Variants in KIF13A observed in about 807,000 individuals in gnomAD.
The protein encoded by KIF13A is kinesin family member 13A.
A neutral mutation model predicts 212.2 loss-of-function variants in KIF13A; 79 were observed. That is an observed-to-expected ratio of 0.37 (90% CI 0.31 to 0.45). The LOEUF is 0.45. KIF13A is among the 20% of genes least tolerant of loss of function. The pLI, the probability that KIF13A is intolerant of heterozygous loss-of-function variation, is 1.00. For synonymous variants in KIF13A, 789 were observed against 808.6 expected (o/e 0.98, Z 0.41); for missense variants, 1,901 against 2,209.0 (o/e 0.86, Z 2.79).
chr6:17,864,625 G>C (rs1769179890), intron 4 of KIF13A, among the ~76,000 whole-genome samples: 1 of 152,160 alleles, frequency 6.6e-6, no homozygotes, highest in Non-Finnish European at 1.5e-5. Flanking sequence ...TGAGTAGCTA[G>C]GACTACAGGT....
intron 4 of KIF13A, among the ~76,000 whole-genome samples, chr6:17,859,701 T>C (rs1406234040): frequency 6.7e-6 from 1 of 149,124 alleles, no homozygotes; most frequent in Admixed American, 6.7e-5. Flanking sequence ...AATGGTGCGA[T>C]CTCGGCTCAC....
At chr6:17,950,717 A>G in intron 2 of KIF13A, 1 of 983,158 alleles carries the variant, frequency 1.0e-6, no homozygotes, top group Non-Finnish European at 1.2e-6. Flanking sequence ...AAAAAACGAA[A>G]TATATGACAA....
chr6:17,828,386 T>C lies in KIF13A; in HGVS notation c.1402-16A>G. The C allele has an allele frequency of 1.3e-6, 2 of 1,599,810 alleles. No homozygotes were observed. The highest frequency in any genetic ancestry group is 1.7e-6 in the Non-Finnish European group (2 of 1,174,712). The stretch of plus-strand genomic sequence containing the variant: ...TGGTGTGATCCTAGTAAAAGATTAT[T>C]AAGGAAAGAAAAACCCACATTTATG... On this transcript the variant is annotated splice_polypyrimidine_tract_variant and intron_variant, in intron 13 of 38. Transcript: ENST00000259711. The surrounding 1 kb of genome is among the most constrained non-coding windows in gnomAD (Gnocchi z 4.3).
Position 17,794,374 on chromosome 6 carries a change from C to T in KIF13A, c.3097G>A (p.Val1033Ile), listed in dbSNP as rs1761854259. ...GAATGCTGCACAGGTTTCACCGTGACTTGTACTCTACGGGAATGACCCTGA... is the reference window on the plus strand; with the variant it reads ...GAATGCTGCACAGGTTTCACCGTGATTTGTACTCTACGGGAATGACCCTGA... ...LRQGHSRRVQVTVKPVQHSGT... is the reference protein window; with the variant it reads ...LRQGHSRRVQITVKPVQHSGT... The change falls in exon 25 of 39, where the codon GTC becomes ATC. Residue 1033 changes from valine (V) to isoleucine (I), a missense_variant. Physicochemically the swap from Val to Ile is conservative, Grantham distance 29. This residue lies in a region of KIF13A where 168 missense variants were observed against 250.9 expected (regional missense o/e 0.67). Coordinates refer to ENST00000259711, the MANE Select transcript of KIF13A (RefSeq NM_022113.6). The surrounding 1 kb of genome is among the most constrained non-coding windows in gnomAD (Gnocchi z 4.1). 6.2e-7 allele frequency: 1 copy of T among 1,613,450 alleles called. No individual in the cohort carries two copies. Among genetic ancestry groups the T allele is most frequent in the African/African-American group, 1.3e-5 (1 of 74,858 alleles).
At chr6:17,964,221 A>T (rs989844131) in intron 2 of KIF13A, among the ~76,000 whole-genome samples, 1 of 152,110 alleles carries the variant, frequency 6.6e-6, no homozygotes. Flanking sequence ...AGCTCCATCA[A>T]CTCTCTTCCT....
intron 2 of KIF13A, among the ~76,000 whole-genome samples, chr6:17,930,739 A>G (rs1406536051): frequency 1.3e-5 from 2 of 152,166 alleles, no homozygotes; most frequent in Admixed American, 6.5e-5. Context: ...TCTCACTACC[A>G]CTACCCTGGA....
rs188253357 is a variant in KIF13A, at chr6:17,825,497, C to A, written c.1786+271G>T. On this transcript the variant is annotated intron_variant, in intron 16 of 38. Coordinates refer to ENST00000259711, the MANE Select transcript of KIF13A (RefSeq NM_022113.6). The surrounding 1 kb of genome is among the most constrained non-coding windows in gnomAD (Gnocchi z 4.5). ...GGAATTTTGTCAAAATCATTCAGTA[C>A]TCTAGGCCCGTGGAAATGTCACCAC... Among the ~76,000 whole-genome samples, 1 of 152,246 alleles carries A rather than the reference C, an allele frequency of 6.6e-6. No individual in the cohort carries two copies. Among genetic ancestry groups the A allele is most frequent in the African/African-American group, 2.4e-5 (1 of 41,536 alleles).
At chr6:17,974,817 T>C (rs372263444) in intron 2 of KIF13A, among the ~76,000 whole-genome samples, 4 of 152,248 alleles carry the variant, frequency 2.6e-5, no homozygotes, top group South Asian at 4.1e-4. Flanking sequence ...CTTAATGCAC[T>C]GGCCACATAT....
rs1768181027 is a variant in KIF13A, at chr6:17,856,755, A to G, written c.221-633T>C. Among the ~76,000 whole-genome samples the G allele has an allele frequency of 6.6e-6, 1 of 152,204 alleles. No individual in the cohort carries two copies. Among genetic ancestry groups the G allele is most frequent in the African/African-American group, 2.4e-5 (1 of 41,444 alleles). On this transcript the variant is annotated intron_variant, in intron 4 of 38. Coordinates refer to ENST00000259711, the MANE Select transcript of KIF13A (RefSeq NM_022113.6). The surrounding 1 kb of genome is among the most constrained non-coding windows in gnomAD (Gnocchi z 4.5). ...CTATGGCAGAGCGGGGCTGAAGAGT[A>G]AAGGAGTGACAATCTGTTTTAAACA...
intron 2 of KIF13A, among the ~76,000 whole-genome samples, chr6:17,937,394 A>AT (rs1217076099): frequency 1.3e-5 from 2 of 152,196 alleles, no homozygotes; most frequent in African/African-American, 4.8e-5. Context: ...GTGATCTCCA[A>AT]TTGTTTTAGT....
chr6:17,796,779 A>G lies in KIF13A; in HGVS notation c.2832T>C (p.Ile944=). ...VNVTEEFLEF[I]SDGALAIEVW... ...CTTCAATGGCCAGTGCTCCATCTGA[A>G]ATGAACTCCAGAAATTCTTCTGTTA... is the stretch of plus-strand genomic sequence containing the variant. The change falls in exon 23 of 39, where the codon ATT becomes ATC. Residue 944 remains isoleucine (I), a synonymous_variant. Coordinates refer to ENST00000259711, the MANE Select transcript of KIF13A (RefSeq NM_022113.6). 6.3e-7 allele frequency: 1 copy of G among 1,578,186 alleles called. No homozygotes were observed. Among genetic ancestry groups the G allele is most frequent in the Non-Finnish European group, 8.6e-7 (1 of 1,159,946 alleles).
chr6:17,933,238 T>C (rs897081079), intron 2 of KIF13A, among the ~76,000 whole-genome samples: 1 of 152,006 alleles, frequency 6.6e-6, no homozygotes, highest in Non-Finnish European at 1.5e-5. Flanking sequence ...CTATAAAAGA[T>C]GTACTGGTTG....
chr6:17,823,471 T>C (rs1764658838), intron 16 of KIF13A, among the ~76,000 whole-genome samples: 1 of 146,658 alleles, frequency 6.8e-6, no homozygotes, highest in Non-Finnish European at 1.5e-5. Flanking sequence ...CTTCCTTTCT[T>C]TCCTTTCTTT....
chr6:17,798,860 A>G (rs913565536), intron 22 of KIF13A, among the ~76,000 whole-genome samples: 1 of 152,204 alleles, frequency 6.6e-6, no homozygotes, highest in African/African-American at 2.4e-5. Context: ...GATGTATAGC[A>G]ACTTACATGT....
intron 3 of KIF13A, among the ~76,000 whole-genome samples, chr6:17,884,118 T>A (rs1771330567): frequency 6.6e-6 from 1 of 152,128 alleles, no homozygotes; most frequent in South Asian, 2.1e-4. Context: ...CCTCCTCCAA[T>A]GTTTTCTCAA....
chr6:17,969,545 G>A (rs1009894233), intron 2 of KIF13A, among the ~76,000 whole-genome samples: 1 of 152,256 alleles, frequency 6.6e-6, no homozygotes, highest in Non-Finnish European at 1.5e-5. Context: ...AATAATATTA[G>A]GTTTCTATAC....
chr6:17,874,880 T>G (rs1223031452), intron 3 of KIF13A, among the ~76,000 whole-genome samples: 2 of 151,704 alleles, frequency 1.3e-5, no homozygotes, highest in Non-Finnish European at 2.9e-5. Context: ...GGTTTTCCAT[T>G]CCTGAATTAC....
chr6:17,945,951 G>A (rs563913354), intron 2 of KIF13A, among the ~76,000 whole-genome samples: 1 of 152,070 alleles, frequency 6.6e-6, no homozygotes, highest in Admixed American at 6.6e-5. Context: ...ATAGTGCCAG[G>A]ATAATAGGTT....
chr6:17,896,758 T>C (rs1186209878), intron 3 of KIF13A, among the ~76,000 whole-genome samples: 1 of 152,190 alleles, frequency 6.6e-6, no homozygotes, highest in African/African-American at 2.4e-5. Context: ...TTTTTAAAAA[T>C]GTTTTTGTGT....
Sources: gnomAD v4.1 joint callset for allele counts (sites outside exome capture counted in the v4.1 genomes callset) on GRCh38, gnomAD v4.1.1 for gene constraint, gnomAD v4.1.1 regional missense constraint, Gnocchi (gnomAD v3.1) non-coding constraint, MANE v1.5 for transcripts, NCBI Gene and HGNC (gene_info 2026-07-23, HGNC 2026-07-21) for gene names.